RBMS3: variants seen among roughly 807,000 people sequenced by gnomAD.
RBMS3 encodes the protein RNA-binding motif, single-stranded-interacting protein 3.
A neutral mutation model predicts 66.8 loss-of-function variants in RBMS3; 27 were observed. The observed-to-expected ratio is 0.40, with a 90% confidence interval of 0.30 to 0.56. RBMS3 has a LOEUF of 0.56. RBMS3 is among the 20% of genes least tolerant of loss of function. The pLI, the probability that RBMS3 is intolerant of heterozygous loss-of-function variation, is 0.40. For missense variants in RBMS3, 513 were observed against 549.5 expected, an observed-to-expected ratio of 0.93 and a Z score of 0.66; for synonymous variants, 188 against 183.0, an observed-to-expected ratio of 1.03 and a Z score of -0.22.
intron 3 of RBMS3, among the ~76,000 whole-genome samples, chr3:29,528,162 G>T (rs1239784440): frequency 6.9e-6 from 1 of 145,136 alleles, no homozygotes; most frequent in African/African-American, 2.6e-5. Flanking sequence ...ACCCAAGCTG[G>T]AGTGCAATGG....
intron 3 of RBMS3, among the ~76,000 whole-genome samples, chr3:29,512,454 A>G (rs983719878): frequency 4.9e-4 from 74 of 152,212 alleles, no homozygotes; most frequent in Non-Finnish European, 7.3e-5. Context: ...ATTAAGATTT[A>G]TAAGTATTCA....
Position 29,890,603 on chromosome 3 carries a change from C to T in RBMS3, c.791+6395C>T, listed in dbSNP as rs12629768. 2.6e-3 allele frequency among the ~76,000 whole-genome samples: 390 copies of T among 151,438 alleles called. 2 individuals carry two copies. In the East Asian group the frequency reaches 0.029, roughly 11 times the overall value. ...TTTTTTCAACTTTCTATCTATAGTA[C>T]AGTCTAAAATTAGAAAAAAGAAAAT... On this transcript the variant is annotated intron_variant, in intron 8 of 14. Coordinates refer to ENST00000383767, the MANE Select transcript of RBMS3 (RefSeq NM_001003793.3).
At chr3:29,526,669 G>C (rs558643177) in intron 3 of RBMS3, among the ~76,000 whole-genome samples, 2 of 151,156 alleles carry the variant, frequency 1.3e-5, no homozygotes, top group African/African-American at 4.9e-5. Context: ...GATGCCACTG[G>C]TGTAAAATTT....
At chr3:29,497,045 C>A (rs1371767265) in intron 3 of RBMS3, among the ~76,000 whole-genome samples, 1 of 151,146 alleles carries the variant, frequency 6.6e-6, no homozygotes, top group Non-Finnish European at 1.5e-5. Flanking sequence ...TTTTTTGAGA[C>A]AGAGTCTCAC....
intron 5 of RBMS3, 177 bp downstream of exon 5, chr3:29,740,054 T>C: frequency 2.1e-6 from 1 of 473,040 alleles, no homozygotes. Context: ...ATAATTTCAA[T>C]GTAATTATAA....
chr3:29,594,051 G>T (rs375230249), intron 4 of RBMS3, among the ~76,000 whole-genome samples: 2 of 152,008 alleles, frequency 1.3e-5, no homozygotes, highest in Non-Finnish European at 2.9e-5. Context: ...AATGAGAGGA[G>T]AAAACTATAC....
rs1363652183 is a variant in RBMS3, at chr3:30,005,163, T to TTAAAC, written c.*1304_*1308dup. ...GACCAGTTCTTTCTTTGTTGTTTGTTTAAACTACCTTCCACTGGTGTTTTA... is the reference window on the plus strand; with the variant it reads ...GACCAGTTCTTTCTTTGTTGTTTGTTTAAACTAAACTACCTTCCACTGGTGTTTTA... On this transcript the variant is annotated 3_prime_UTR_variant, in exon 15 of 15. Transcript: ENST00000383767. 1 of 149,768 alleles carries TTAAAC rather than the reference T, an allele frequency of 6.7e-6. No homozygotes were observed. Among genetic ancestry groups the TTAAAC allele is most frequent in the African/African-American group, 2.5e-5 (1 of 40,478 alleles). The allele number at this position is 149,768 out of a possible 1,614,324, so 9.3% of individuals were successfully genotyped here.
intron 6 of RBMS3, among the ~76,000 whole-genome samples, chr3:29,821,706 A>G (rs1051668750): frequency 1.3e-5 from 2 of 152,198 alleles, no homozygotes; most frequent in Admixed American, 1.3e-4. Flanking sequence ...GATCTGAATC[A>G]TAGGAACTTT....
At chr3:29,517,319 A>ATT (rs140882570) in intron 3 of RBMS3, among the ~76,000 whole-genome samples, 1 of 129,458 alleles carries the variant, frequency 7.7e-6, no homozygotes, top group Non-Finnish European at 1.6e-5. Flanking sequence ...ATATATATAT[A>ATT]TTTTTTTTTT....
intron 1 of RBMS3, among the ~76,000 whole-genome samples, chr3:29,388,926 T>A (rs73040667): frequency 0.012 from 1,871 of 152,326 alleles, 15 homozygotes; most frequent in South Asian, 0.03. Context: ...GCAGACCTGA[T>A]GTCTCCCTCC....
intron 3 of RBMS3, among the ~76,000 whole-genome samples, chr3:29,508,513 C>G (rs1334299379): frequency 1.3e-5 from 2 of 152,058 alleles, no homozygotes; most frequent in African/African-American, 4.8e-5. Context: ...CATCCATGTC[C>G]CTGCAAAGGA....
chr3:29,600,173 A>G (rs2048094854), intron 4 of RBMS3, among the ~76,000 whole-genome samples: 1 of 152,070 alleles, frequency 6.6e-6, no homozygotes, highest in African/African-American at 2.4e-5. Context: ...ATTTCCTTCT[A>G]GAAACCCACC....
At chr3:29,629,002 G>A (rs2049175865) in intron 4 of RBMS3, among the ~76,000 whole-genome samples, 1 of 151,938 alleles carries the variant, frequency 6.6e-6, no homozygotes, top group Non-Finnish European at 1.5e-5. Flanking sequence ...GATGTCTCTG[G>A]GGTTTTCTTC....
At chr3:29,887,806 T>C (rs572922953) in intron 8 of RBMS3, among the ~76,000 whole-genome samples, 1 of 151,942 alleles carries the variant, frequency 6.6e-6, no homozygotes, top group African/African-American at 2.4e-5. Context: ...TTGTTATGCA[T>C]GATTTTAATC....
At chr3:29,557,333 T>G (rs969170788) in intron 3 of RBMS3, among the ~76,000 whole-genome samples, 1 of 152,186 alleles carries the variant, frequency 6.6e-6, no homozygotes, top group African/African-American at 2.4e-5. Context: ...CCTGTGTGTA[T>G]GTTGTTTTTC....
At chr3:29,534,206 G>T (rs568189646) in intron 3 of RBMS3, among the ~76,000 whole-genome samples, 1 of 152,312 alleles carries the variant, frequency 6.6e-6, no homozygotes, top group South Asian at 2.1e-4. Context: ...TGGGGACAAA[G>T]GTCACGTTGC....
At chr3:29,695,761 G>C (rs1391371115) in intron 4 of RBMS3, among the ~76,000 whole-genome samples, 2 of 152,194 alleles carry the variant, frequency 1.3e-5, no homozygotes, top group African/African-American at 2.4e-5. Flanking sequence ...CAGCACGGGA[G>C]AACACACTCT....
intron 10 of RBMS3, among the ~76,000 whole-genome samples, chr3:29,932,771 C>T (rs1328576207): frequency 1.3e-5 from 2 of 152,158 alleles, no homozygotes. Context: ...AGAAGGTTAA[C>T]AACACAGATG....
At chr3:29,476,565 C>T (rs1348909299) in intron 2 of RBMS3, among the ~76,000 whole-genome samples, 1 of 152,158 alleles carries the variant, frequency 6.6e-6, no homozygotes, top group Non-Finnish European at 1.5e-5. Flanking sequence ...TGACAAATAA[C>T]AGCTTTACCT....
Sources: gnomAD v4.1 joint callset for allele counts (sites outside exome capture counted in the v4.1 genomes callset) on GRCh38, gnomAD v4.1.1 for gene constraint, MANE v1.5 for transcripts, NCBI Gene and HGNC (gene_info 2026-07-23, HGNC 2026-07-21) for gene names.